DYDC2: variants seen among roughly 807,000 people sequenced by gnomAD.
The protein encoded by DYDC2 is DPY30 domain containing 2.
A neutral mutation model predicts 18.7 loss-of-function variants in DYDC2; 19 were observed. That is an observed-to-expected ratio of 1.02 (90% CI 0.71 to 1.49). The LOEUF (loss-of-function observed/expected upper bound fraction) is 1.49, where lower values mean the gene tolerates loss of function less well. Ranked by LOEUF, DYDC2 falls within the 40% of genes most tolerant of loss-of-function variation. DYDC2 has a pLI of 0.00. For synonymous variants in DYDC2, 63 were observed against 67.6 expected (o/e 0.93, Z 0.34); for missense variants, 179 against 205.1 (o/e 0.87, Z 0.78).
chr10:80,366,773 AGGAAT>A lies in DYDC2; in HGVS notation c.357_361del (p.Gln119HisfsTer26), dbSNP rs749688482. ...CCCCTTGAGAAGGAGGCCTTGAAGC[AGGAAT>A]TCCTGCCAGGTACTTCCAGTCTGAT... On this transcript the variant is annotated frameshift_variant, in exon 5 of 5. Transcript: ENST00000256039. LOFTEE classifies it high-confidence loss of function. 6.2e-7 allele frequency: 1 copy of A among 1,614,104 alleles called. No homozygotes were observed. Among genetic ancestry groups the A allele is most frequent in the African/African-American group, 1.3e-5 (1 of 74,948 alleles).
At chr10:80,365,078 T>G (rs1296552664) in intron 4 of DYDC2, among the ~76,000 whole-genome samples, 2 of 152,204 alleles carry the variant, frequency 1.3e-5, no homozygotes, top group Admixed American at 6.5e-5. Flanking sequence ...GCATGAAATT[T>G]CAGCAGGGCT....
chr10:80,365,169 A>C (rs1843789816), intron 4 of DYDC2, among the ~76,000 whole-genome samples: 1 of 152,212 alleles, frequency 6.6e-6, no homozygotes, highest in Non-Finnish European at 1.5e-5. Context: ...AAAAACAAAA[A>C]AACATCATGA....
intron 4 of DYDC2, 131 bp downstream of exon 4, chr10:80,363,204 C>A: frequency 1.3e-6 from 1 of 796,070 alleles, no homozygotes; most frequent in Non-Finnish European, 1.9e-6. Flanking sequence ...AATATATGTG[C>A]AAGTATTCAC....
chr10:80,362,756 C>T (rs771142409), intron 3 of DYDC2, among the ~76,000 whole-genome samples, 166 bp downstream of exon 3: 14 of 152,118 alleles, frequency 9.2e-5, no homozygotes, highest in Non-Finnish European at 1.8e-4. Flanking sequence ...GGGGCTAACT[C>T]AGAGGAGTGG....
chr10:80,347,301 T>TGGC (rs1842721393), intron 1 of DYDC2, among the ~76,000 whole-genome samples: 2 of 125,814 alleles, frequency 1.6e-5, no homozygotes, highest in Admixed American at 7.6e-5. Context: ...TTTTTTTTTT[T>TGGC]TTTTGCTATT....
At chr10:80,345,207 AT>A (rs1304090847) in intron 1 of DYDC2, among the ~76,000 whole-genome samples, 1 of 152,140 alleles carries the variant, frequency 6.6e-6, no homozygotes, top group Non-Finnish European at 1.5e-5. Context: ...AATTCTGTGA[AT>A]TTTTGTCAGA....
chr10:80,348,376 A>T (rs1169870809), intron 1 of DYDC2, among the ~76,000 whole-genome samples: 1 of 152,212 alleles, frequency 6.6e-6, no homozygotes, highest in Non-Finnish European at 1.5e-5. Context: ...ATGTTTCTTA[A>T]TTCATTTTAA....
chr10:80,352,146 T>C, upstream of DYDC2: 1 of 793,188 alleles, frequency 1.3e-6, no homozygotes, highest in Non-Finnish European at 2.0e-6. Flanking sequence ...TATAATAATT[T>C]GGGAAGATAT....
rs1200050790 is a variant in DYDC2 at position 80,366,851 on chromosome 10, T to C, written c.434T>C (p.Ile145Thr). 3 of 1,614,172 alleles carry C rather than the reference T, an allele frequency of 1.9e-6. No individual in the cohort carries two copies. Among genetic ancestry groups the C allele is most frequent in the Non-Finnish European group, 1.7e-6 (2 of 1,180,016 alleles). Reference protein sequence around the residue: ...QVPPSESAGQIDQNFKMPQEI... With the variant: ...QVPPSESAGQTDQNFKMPQEI... ...CCTCCTTCAGAGTCTGCTGGCCAGATTGACCAGAACTTCAAAATGCCACAA... is the reference window on the plus strand; with the variant it reads ...CCTCCTTCAGAGTCTGCTGGCCAGACTGACCAGAACTTCAAAATGCCACAA... Residue 145 changes from isoleucine to threonine, a missense_variant, in exon 5 of 5, where the codon ATT becomes ACT. Ile to Thr is a moderately conservative substitution (Grantham distance 89). Transcript: ENST00000256039.
At chr10:80,362,872 A>G in intron 3 of DYDC2, 79 bp from the exon 4 acceptor site, 3 of 1,547,506 alleles carry the variant, frequency 1.9e-6, no homozygotes, top group Non-Finnish European at 2.6e-6. Context: ...CACAGCCCAT[A>G]TCAGTCCCCA....
chr10:80,357,667 C>T (rs777947836), intron 1 of DYDC2, among the ~76,000 whole-genome samples: 15 of 152,168 alleles, frequency 9.9e-5, no homozygotes, highest in Non-Finnish European at 1.8e-4. Context: ...GTCCAGTCTC[C>T]ACCAGGCCCA....
chr10:80,352,001 C>A, upstream of DYDC2: 1 of 1,613,808 alleles, frequency 6.2e-7, no homozygotes, highest in South Asian at 1.1e-5. Flanking sequence ...TTCCTTTTGT[C>A]TCTAGCATTG....
At chr10:80,345,991 G>C (rs985477769) in intron 1 of DYDC2, among the ~76,000 whole-genome samples, 5 of 152,122 alleles carry the variant, frequency 3.3e-5, no homozygotes, top group Admixed American at 6.5e-5. Context: ...ACAGGTGCAT[G>C]CCATCATCAT....
At chr10:80,356,260 G>C, upstream of DYDC2, 1 of 985,478 alleles carries the variant, frequency 1.0e-6, no homozygotes, top group Non-Finnish European at 1.2e-6. Flanking sequence ...ACACCAATAG[G>C]CATCTTGGCT....
In DYDC2 at chr10:80,357,997, C is replaced by G; in HGVS notation, c.-58C>G. 1 of 985,544 alleles carries G rather than the reference C, an allele frequency of 1.0e-6. No individual in the cohort carries two copies. The highest frequency in any genetic ancestry group is 1.2e-6 in the Non-Finnish European group (1 of 830,066). The allele number at this position is 985,544 out of a possible 1,614,324, so 61.0% of individuals were successfully genotyped here. The stretch of plus-strand genomic sequence containing the variant: ...AAGTCCAGGAACTGTGTAAGCAGAC[C>G]CTCAGAGGAGCTCTGGGAAACACTG... On this transcript the variant is annotated 5_prime_UTR_variant, in exon 2 of 5. Transcript: ENST00000256039.
At chr10:80,359,816 A>G (rs1417778000) in intron 2 of DYDC2, among the ~76,000 whole-genome samples, 1 of 152,020 alleles carries the variant, frequency 6.6e-6, no homozygotes, top group African/African-American at 2.4e-5. Context: ...GCCCACCCGG[A>G]ACTTGCGCTG....
At chr10:80,365,286 C>T (rs1406343845) in intron 4 of DYDC2, among the ~76,000 whole-genome samples, 1 of 152,136 alleles carries the variant, frequency 6.6e-6, no homozygotes, top group East Asian at 1.9e-4. Context: ...TGGTAGGGAT[C>T]ATACCCAATT....
Position 80,366,741 on chromosome 10 carries a change from C to T in DYDC2, c.324C>T (p.Asp108=). Residue 108 remains aspartate (D), a synonymous_variant, in exon 5 of 5, where the codon GAC becomes GAT. Transcript: ENST00000256039. ...AGAAGACCATATTCATGCAGGAGGA[C>T]ACAAACCCCCTTGAGAAGGAGGCCT... ...STKKTIFMQE[D]TNPLEKEALK... 6.2e-7 allele frequency: 1 copy of T among 1,614,060 alleles called. No individual in the cohort carries two copies. Among genetic ancestry groups the T allele is most frequent in the Non-Finnish European group, 8.5e-7 (1 of 1,179,966 alleles).
At chr10:80,344,827 T>C in intron 1 of DYDC2, 1 of 225,332 alleles carries the variant, frequency 4.4e-6, no homozygotes, top group South Asian at 5.9e-5. Context: ...TAAGTCCAAT[T>C]AAACCTCTTT....
Sources: allele counts gnomAD v4.1 joint callset (sites outside exome capture counted in the v4.1 genomes callset), GRCh38; gene constraint gnomAD v4.1.1; transcripts MANE v1.5; gene names NCBI Gene and HGNC (gene_info 2026-07-23, HGNC 2026-07-21).